KLC2: variants seen among roughly 807,000 people sequenced by gnomAD.
KLC2 encodes the protein kinesin light chain 2, also known as KLC 2.
A neutral mutation model predicts 75.1 loss-of-function variants in KLC2; 35 were observed. The observed-to-expected ratio is 0.47, with a 90% confidence interval of 0.36 to 0.62. The LOEUF is 0.62. KLC2 is among the 20% of genes least tolerant of loss of function. The pLI, the probability that KLC2 is intolerant of heterozygous loss-of-function variation, is 0.00. For synonymous variants in KLC2, 314 were observed against 336.7 expected (o/e 0.93, Z 0.74); for missense variants, 611 against 833.2 (o/e 0.73, Z 3.28).
At position 66,265,138 on chromosome 11, in the gene KLC2, C is replaced by G. The variant is rs373617869; in HGVS notation, c.1267-30C>G. 7.4e-6 allele frequency: 12 copies of G among 1,610,786 alleles called. No homozygotes were observed. In the African/African-American group the frequency reaches 1.3e-4, roughly 18 times the overall value. On this transcript the variant is annotated intron_variant, in intron 10 of 15. Transcript: ENST00000394067. ...TGGGATGTGCAGAGGGGGGCCTGCTCTCACTTCTTGTGACCATTCTTTCCT... is the reference window on the plus strand; with the variant it reads ...TGGGATGTGCAGAGGGGGGCCTGCTGTCACTTCTTGTGACCATTCTTTCCT...
intron 2 of KLC2, among the ~76,000 whole-genome samples, chr11:66,260,345 C>T (rs1299091976): frequency 2.0e-5 from 3 of 152,150 alleles, no homozygotes; most frequent in East Asian, 3.9e-4. Context: ...TGGTGGAGCA[C>T]GTGCACTCTC....
In KLC2 at chr11:66,265,025, GACA is replaced by G. The variant is rs1856715114; in HGVS notation, c.1224_1226del (p.Asn408del). 4 of 1,613,162 alleles carry G rather than the reference GACA, an allele frequency of 2.5e-6. No homozygotes were observed. Among genetic ancestry groups the G allele is most frequent in the Middle Eastern group, 1.7e-4 (1 of 6,002 alleles). Reference sequence around the variant, plus strand: ...GACAGTCCCCTTTCTCTCCCCAGGGGACAACAAGCCCATCTGGATGCACGCAGA... The same window carrying G: ...GACAGTCCCCTTTCTCTCCCCAGGGGACAAGCCCATCTGGATGCACGCAGA... On this transcript the variant is annotated inframe_deletion, in exon 10 of 16. Coordinates refer to ENST00000394067, the MANE Select transcript of KLC2 (RefSeq NM_001318734.2).
In KLC2 at chr11:66,266,440, C is replaced by T; in HGVS notation, c.1735C>T (p.Arg579Trp). The T allele has an allele frequency of 1.2e-6, 2 of 1,607,732 alleles. No individual in the cohort carries two copies. Among genetic ancestry groups the T allele is most frequent in the South Asian group, 1.1e-5 (1 of 90,328 alleles). ...GCTGTCCTTTTCCCTCAGGATGAAG[C>T]GGGCCAGTTCCCTCAACTTCCTCAA... The part of the protein sequence containing the change: ...PQEPPNPRMK[R>W]ASSLNFLNKS... Residue 579 changes from arginine (R) to tryptophan (W), a missense_variant, in exon 15 of 16, where the codon CGG (arginine) becomes TGG (tryptophan). Transcript: ENST00000394067.
chr11:66,261,719 C>T (rs768238380), intron 2 of KLC2, 23 bp from the exon 3 acceptor site: 1 of 1,560,018 alleles, frequency 6.4e-7, no homozygotes, highest in Admixed American at 1.7e-5. Flanking sequence ...GGCCTCCGAC[C>T]CTTACCTGGG....
chr11:66,255,868 C>T (rs1354734383), upstream of KLC2, among the ~76,000 whole-genome samples: 1 of 151,438 alleles, frequency 6.6e-6, no homozygotes, highest in Non-Finnish European at 1.5e-5. Context: ...CGGGTTCAAG[C>T]GATTCTCTTG....
At chr11:66,256,958 A>C (rs1565166064), upstream of KLC2, among the ~76,000 whole-genome samples, 1 of 152,258 alleles carries the variant, frequency 6.6e-6, no homozygotes, top group East Asian at 1.9e-4. Flanking sequence ...AAGGGTCAGG[A>C]AACTGCGGTA....
chr11:66,264,318 C>T (rs1401737241), intron 8 of KLC2, 27 bp from the exon 9 acceptor site: 1 of 1,598,174 alleles, frequency 6.3e-7, no homozygotes. Context: ...ATGCATCCCG[C>T]TCACTCTCTG....
At position 66,265,015 on chromosome 11, in the gene KLC2, C is replaced by T. The variant is rs778706568; in HGVS notation, c.1217-8C>T. 1.5e-5 allele frequency: 24 copies of T among 1,612,610 alleles called. No homozygotes were observed. Among genetic ancestry groups the T allele is most frequent in the Non-Finnish European group, 1.6e-5 (19 of 1,179,094 alleles). On this transcript the variant is annotated splice_polypyrimidine_tract_variant and splice_region_variant and intron_variant, in intron 9 of 15. Transcript: ENST00000394067. ...GTAGGCTGGTGACAGTCCCCTTTCT[C>T]TCCCCAGGGGACAACAAGCCCATCT...
At chr11:66,266,819 A>T in intron 15 of KLC2, 54 bp from the exon 16 acceptor site, 1 of 1,567,440 alleles carries the variant, frequency 6.4e-7, no homozygotes, top group Non-Finnish European at 8.8e-7. Context: ...CAGGCCAGGG[A>T]GGCACAGACT....
At position 66,266,106 on chromosome 11, in the gene KLC2, C is replaced by T; in HGVS notation, c.1616C>T (p.Ser539Phe). ...TAEWNGDGSG[S>F]LRRSGSFGKL... ...GTCCACCTGCAGGATGGCAGTGGCT[C>T]CTTGAGGCGCAGCGGTTCCTTTGGG... Residue 539 changes from serine to phenylalanine, a missense_variant, in exon 14 of 16, where the codon TCC becomes TTC. Coordinates refer to ENST00000394067, the MANE Select transcript of KLC2 (RefSeq NM_001318734.2). 3.1e-6 allele frequency: 5 copies of T among 1,614,046 alleles called. No homozygotes were observed. The highest frequency in any genetic ancestry group is 4.2e-6 in the Non-Finnish European group (5 of 1,179,950).
chr11:66,267,315 A>G lies in KLC2; in HGVS notation c.*359A>G, dbSNP rs1565178284. On this transcript the variant is annotated 3_prime_UTR_variant, in exon 16 of 16. Coordinates refer to ENST00000394067, the MANE Select transcript of KLC2 (RefSeq NM_001318734.2). The stretch of plus-strand genomic sequence containing the variant: ...TTCGGCACCCTCGCCCTCCCTCCCG[A>G]CTCAACCCGGCCGTTGCTTCTGTAT... The G allele has an allele frequency of 2.4e-6, 2 of 847,158 alleles. No individual in the cohort carries two copies. Among genetic ancestry groups the G allele is most frequent in the Non-Finnish European group, 4.0e-6 (2 of 504,584 alleles). 52.5% of individuals were successfully genotyped at this position (847,158 alleles called of 1,614,324 possible).
chr11:66,267,762 G>T lies in KLC2; in HGVS notation c.*806G>T, dbSNP rs1856948535. The T allele has an allele frequency of 4.3e-6, 2 of 460,102 alleles. No homozygotes were observed. Among genetic ancestry groups the T allele is most frequent in the Admixed American group, 4.1e-5 (1 of 24,570 alleles). 28.5% of individuals were successfully genotyped at this position (460,102 alleles called of 1,614,324 possible). On this transcript the variant is annotated 3_prime_UTR_variant, in exon 16 of 16. Coordinates refer to ENST00000394067, the MANE Select transcript of KLC2 (RefSeq NM_001318734.2). ...GCAGCTTCTCGCGAGGGGCGGCGAC[G>T]GTCCCCTGGTGGCAGGAGGGGCTCC... is the stretch of plus-strand genomic sequence containing the variant.
At chr11:66,264,300 T>C in intron 8 of KLC2, 45 bp from the exon 9 acceptor site, 4 of 1,581,314 alleles carry the variant, frequency 2.5e-6, no homozygotes, top group Non-Finnish European at 3.4e-6. Context: ...AGAAAAAGGC[T>C]TGGCTGCATG....
Position 66,267,658 on chromosome 11 carries a change from C to CCCGGCCCCGCCCAGGCACGG in KLC2, c.*706_*725dup. The CCCGGCCCCGCCCAGGCACGG allele has an allele frequency of 7.4e-6, 4 of 541,798 alleles. No individual in the cohort carries two copies. Among genetic ancestry groups the CCCGGCCCCGCCCAGGCACGG allele is most frequent in the East Asian group, 3.2e-5 (1 of 31,710 alleles). The allele number at this position is 541,798 out of a possible 1,614,324, so 33.6% of individuals were successfully genotyped here. A position where few individuals can be genotyped will look rare whatever the true frequency, so the allele number is the denominator to read the frequency against. ...CCGGCCTTATGCACTGCCCCTCCCA[C>CCCGGCCCCGCCCAGGCACGG]CCGGCCCCGCCCAGGCACGGCCGAC... On this transcript the variant is annotated 3_prime_UTR_variant, in exon 16 of 16. Coordinates refer to ENST00000394067, the MANE Select transcript of KLC2 (RefSeq NM_001318734.2).
chr11:66,267,186 T>C lies in KLC2; in HGVS notation c.*230T>C, dbSNP rs917256566. Reference sequence around the variant, plus strand: ...TTCCTTCCAGCAGGGCCCTCTTCCCTAGGTTCGGGCCAGCAGGAGGTGCCG... The same window carrying C: ...TTCCTTCCAGCAGGGCCCTCTTCCCCAGGTTCGGGCCAGCAGGAGGTGCCG... On this transcript the variant is annotated 3_prime_UTR_variant, in exon 16 of 16. Transcript: ENST00000394067. The C allele has an allele frequency of 6.5e-7, 1 of 1,548,928 alleles. No individual in the cohort carries two copies. Among genetic ancestry groups the C allele is most frequent in the Non-Finnish European group, 8.7e-7 (1 of 1,145,890 alleles).
chr11:66,265,596 G>A lies in KLC2; in HGVS notation c.1335-59G>A. On this transcript the variant is annotated intron_variant, in intron 11 of 15. Coordinates refer to ENST00000394067, the MANE Select transcript of KLC2 (RefSeq NM_001318734.2). ...TTCCTCAGGGCCCACTGTGGGCTGG[G>A]TGCCAGGATGGGCCCTGGGTCTGGG... 4.3e-6 allele frequency: 6 copies of A among 1,399,518 alleles called. No homozygotes were observed. In the South Asian group the frequency reaches 6.3e-5, roughly 15 times the overall value. The allele number at this position is 1,399,518 out of a possible 1,614,324, so 86.7% of individuals were successfully genotyped here. A position where few individuals can be genotyped will look rare whatever the true frequency, so the allele number is the denominator to read the frequency against.
At chr11:66,256,780 CT>C (rs200891380), upstream of KLC2, among the ~76,000 whole-genome samples, 2 of 151,344 alleles carry the variant, frequency 1.3e-5, no homozygotes, top group Admixed American at 1.3e-4. Flanking sequence ...TGATTTACAG[CT>C]TTTTTTTTGT....
In KLC2 at chr11:66,258,739, G is replaced by A. The variant is rs1240569511; in HGVS notation, c.145G>A (p.Glu49Lys). The change falls in exon 2 of 16, where the codon GAA (glutamate) becomes AAA (lysine). Residue 49 changes from glutamate to lysine, a missense_variant. Glu to Lys is a moderately conservative substitution (Grantham distance 56). Coordinates refer to ENST00000394067, the MANE Select transcript of KLC2 (RefSeq NM_001318734.2). ...TCCTCTGGTTGCACCTGAGGCCGGC[G>A]AAGCCGAGCCTGGCTCGCAGGAGCG... is the stretch of plus-strand genomic sequence containing the variant. ...LAPLVAPEAGEAEPGSQERCI... is the reference protein window; with the variant it reads ...LAPLVAPEAGKAEPGSQERCI... The A allele has an allele frequency of 2.5e-6, 4 of 1,613,204 alleles. No homozygotes were observed. Among genetic ancestry groups the A allele is most frequent in the African/African-American group, 2.7e-5 (2 of 74,938 alleles).
chr11:66,262,839 G>A lies in KLC2; in HGVS notation c.555G>A (p.Val185=). The change falls in exon 5 of 16, where the codon GTG becomes GTA. Residue 185 remains valine, a synonymous_variant. Transcript: ENST00000394067. The part of the protein sequence containing the change: ...SPAPSPGGGD[V]SGQHGGYEIP... ...CCCCTAGCCCAGGAGGAGGGGATGTGTCTGGTCAGCATGGGGGCTACGAGA... is the reference window on the plus strand; with the variant it reads ...CCCCTAGCCCAGGAGGAGGGGATGTATCTGGTCAGCATGGGGGCTACGAGA... The A allele has an allele frequency of 6.2e-7, 1 of 1,613,084 alleles. No homozygotes were observed. The highest frequency in any genetic ancestry group is 8.5e-7 in the Non-Finnish European group (1 of 1,179,848).
Sources: gnomAD v4.1 joint callset for allele counts (sites outside exome capture counted in the v4.1 genomes callset) on GRCh38, gnomAD v4.1.1 for gene constraint, MANE v1.5 for transcripts, NCBI Gene and HGNC (gene_info 2026-07-23, HGNC 2026-07-21) for gene names.